The following THSD7B variants were observed in gnomAD, a reference collection of about 807,000 sequenced individuals.
THSD7B encodes thrombospondin type 1 domain containing 7B, also known as thrombospondin type-1 domain-containing protein 7B.
A neutral mutation model predicts 213.6 loss-of-function variants in THSD7B; 138 were observed. That is an observed-to-expected ratio of 0.65 (90% CI 0.56 to 0.74). The LOEUF (loss-of-function observed/expected upper bound fraction) is 0.74, where lower values mean the gene tolerates loss of function less well. Among genes scored for constraint, THSD7B ranks in the 30% least tolerant of loss-of-function variants. THSD7B has a pLI of 0.00. For missense variants in THSD7B, 1,931 were observed against 1,991.5 expected (o/e 0.97, Z 0.58); for synonymous variants, 742 against 687.0 (o/e 1.08, Z -1.25).
chr2:136,951,204 C>T (rs754402681), intron 2 of THSD7B, among the ~76,000 whole-genome samples: 3 of 151,966 alleles, frequency 2.0e-5, no homozygotes, highest in African/African-American at 4.8e-5. Flanking sequence ...ATTTGAGAGC[C>T]GGCCTTTGAG....
At chr2:136,771,451 C>T (rs1421656504) in intron 1 of THSD7B, among the ~76,000 whole-genome samples, 1 of 152,166 alleles carries the variant, frequency 6.6e-6, no homozygotes, top group Non-Finnish European at 1.5e-5. Context: ...CAATTTAACT[C>T]TTGCCTGTCG....
At chr2:137,548,095 A>G (rs1266751301) in intron 15 of THSD7B, among the ~76,000 whole-genome samples, 1 of 151,988 alleles carries the variant, frequency 6.6e-6, no homozygotes, top group East Asian at 1.9e-4. Context: ...AAGGTGGCAA[A>G]TATATTATGA....
chr2:137,233,573 A>G (rs756099104), intron 9 of THSD7B, among the ~76,000 whole-genome samples: 3 of 152,206 alleles, frequency 2.0e-5, no homozygotes, highest in Non-Finnish European at 4.4e-5. Context: ...CCATACAGCC[A>G]TTCTAATTAG....
At chr2:136,963,509 T>G (rs777476662) in intron 2 of THSD7B, among the ~76,000 whole-genome samples, 6 of 152,148 alleles carry the variant, frequency 3.9e-5, no homozygotes, top group Non-Finnish European at 7.3e-5. Flanking sequence ...ACTGGCATGA[T>G]GGCACATGAC....
At chr2:136,952,016 C>G (rs533230043) in intron 2 of THSD7B, among the ~76,000 whole-genome samples, 1 of 151,980 alleles carries the variant, frequency 6.6e-6, no homozygotes, top group Non-Finnish European at 1.5e-5. Flanking sequence ...ACTACAGGCA[C>G]GCACCATCAC....
At position 137,399,548 on chromosome 2, in the gene THSD7B, C is replaced by G. The variant is rs183693694; in HGVS notation, c.2501-6065C>G. Among the ~76,000 whole-genome samples the G allele has an allele frequency of 2.1e-3, 314 of 152,282 alleles. 2 individuals are homozygous for G. The highest frequency in any genetic ancestry group is 2.9e-3 in the Non-Finnish European group (195 of 68,028). On this transcript the variant is annotated intron_variant, in intron 12 of 27. Transcript: ENST00000409968. ...TCTCTTCTGGCCTGTGAGTATTCTGCTGAGAAATCTGCTGTTAGTCTGATG... is the reference window on the plus strand; with the variant it reads ...TCTCTTCTGGCCTGTGAGTATTCTGGTGAGAAATCTGCTGTTAGTCTGATG...
intron 12 of THSD7B, among the ~76,000 whole-genome samples, chr2:137,369,537 T>C (rs968635723): frequency 3.3e-5 from 5 of 152,110 alleles, no homozygotes; most frequent in African/African-American, 7.2e-5. Context: ...AAGATTATAT[T>C]TGGGGGTTGA....
intron 17 of THSD7B, among the ~76,000 whole-genome samples, chr2:137,615,911 A>T (rs918253577): frequency 2.0e-5 from 3 of 152,114 alleles, no homozygotes; most frequent in African/African-American, 7.2e-5. Flanking sequence ...TAAATGATAG[A>T]AATAGTCTCC....
intron 24 of THSD7B, among the ~76,000 whole-genome samples, chr2:137,658,814 A>G (rs951072081): frequency 1.6e-4 from 24 of 152,226 alleles, no homozygotes; most frequent in African/African-American, 5.8e-4. Flanking sequence ...TTAGGCCCAG[A>G]GCTTTTTGCT....
intron 4 of THSD7B, among the ~76,000 whole-genome samples, chr2:137,098,748 T>C (rs371542624): frequency 3.9e-5 from 6 of 152,282 alleles, no homozygotes; most frequent in East Asian, 1.9e-4. Context: ...ATTGCTCGAC[T>C]GTCCAGCATT....
At chr2:136,910,268 G>A (rs986853708) in intron 2 of THSD7B, among the ~76,000 whole-genome samples, 1 of 152,040 alleles carries the variant, frequency 6.6e-6, no homozygotes, top group African/African-American at 2.4e-5. Flanking sequence ...AAAGAGTTCA[G>A]AGAGGAAGGG....
chr2:137,175,649 A>G (rs185472016), intron 7 of THSD7B, among the ~76,000 whole-genome samples: 1 of 152,298 alleles, frequency 6.6e-6, no homozygotes, highest in Admixed American at 6.5e-5. Flanking sequence ...CAAGAATGTT[A>G]CCTTTAATCT....
chr2:136,946,169 G>A (rs1684933190), intron 2 of THSD7B, among the ~76,000 whole-genome samples: 1 of 152,148 alleles, frequency 6.6e-6, no homozygotes, highest in Non-Finnish European at 1.5e-5. Flanking sequence ...TTTTGTTGAT[G>A]TTTATGCTAT....
At chr2:137,640,889 A>G (rs1682926617) in intron 20 of THSD7B, among the ~76,000 whole-genome samples, 1 of 152,246 alleles carries the variant, frequency 6.6e-6, no homozygotes, top group African/African-American at 2.4e-5. Context: ...ATAAACCTTA[A>G]GAAATTTAGA....
At chr2:137,181,663 C>A (rs761280972) in intron 7 of THSD7B, among the ~76,000 whole-genome samples, 1 of 152,160 alleles carries the variant, frequency 6.6e-6, no homozygotes, top group Non-Finnish European at 1.5e-5. Context: ...GGACCATCTG[C>A]TGCCACTTTG....
chr2:137,415,101 A>T (rs1014027449), intron 14 of THSD7B, among the ~76,000 whole-genome samples: 3 of 151,776 alleles, frequency 2.0e-5, no homozygotes, highest in Non-Finnish European at 4.4e-5. Context: ...GAGACACAGG[A>T]TAATGACCTA....
At chr2:137,536,573 GAAATATTTGA>G (rs1680511372) in intron 15 of THSD7B, among the ~76,000 whole-genome samples, 2 of 151,454 alleles carry the variant, frequency 1.3e-5, no homozygotes, top group Admixed American at 1.3e-4. Context: ...AAAAGTGGTT[GAAATATTTGA>G]AAATATTTTA....
intron 15 of THSD7B, among the ~76,000 whole-genome samples, chr2:137,515,552 A>G (rs1428402588): frequency 6.6e-6 from 1 of 152,200 alleles, no homozygotes; most frequent in Non-Finnish European, 1.5e-5. Context: ...TTTCTAATTA[A>G]TATAAGCAGA....
intron 12 of THSD7B, among the ~76,000 whole-genome samples, chr2:137,302,473 G>A (rs1488694528): frequency 6.6e-6 from 1 of 152,138 alleles, no homozygotes; most frequent in East Asian, 1.9e-4. Flanking sequence ...TGTTGGCCTT[G>A]ACAAGAACAG....
Sources: gnomAD v4.1 joint callset for allele counts (sites outside exome capture counted in the v4.1 genomes callset) on GRCh38, gnomAD v4.1.1 for gene constraint, MANE v1.5 for transcripts, NCBI Gene and HGNC (gene_info 2026-07-23, HGNC 2026-07-21) for gene names.